NRG1: variants seen among roughly 807,000 people sequenced by gnomAD.
The protein encoded by NRG1 is pro-neuregulin-1, membrane-bound isoform.
A neutral mutation model predicts 63.8 loss-of-function variants in NRG1; 18 were observed. The observed-to-expected ratio is 0.28, with a 90% CI of 0.19 to 0.42. The LOEUF (loss-of-function observed/expected upper bound fraction) is 0.42. NRG1 is among the 10% of genes least tolerant of loss of function. The pLI, the probability that NRG1 is intolerant of heterozygous loss-of-function variation, is 1.00. For missense variants in NRG1, 762 were observed against 814.7 expected (o/e 0.94, Z 0.79); for synonymous variants, 302 against 301.3 (o/e 1.00, Z -0.02).
intron 1 of NRG1, among the ~76,000 whole-genome samples, chr8:31,717,884 G>C (rs2131291377): frequency 6.6e-6 from 1 of 152,230 alleles, no homozygotes; most frequent in Non-Finnish European, 1.5e-5. Context: ...AATCATGGTT[G>C]GGAATTACCA....
At chr8:32,321,386 G>A (rs916717495) in intron 1 of NRG1, among the ~76,000 whole-genome samples, 1 of 151,200 alleles carries the variant, frequency 6.6e-6, no homozygotes, top group Non-Finnish European at 1.5e-5. Flanking sequence ...ACCTCTTTAT[G>A]TTCCTGTATG....
intron 1 of NRG1, among the ~76,000 whole-genome samples, chr8:31,803,064 G>C (rs1340753364): frequency 6.6e-6 from 1 of 152,164 alleles, no homozygotes; most frequent in African/African-American, 2.4e-5. Context: ...GCGTTCATGA[G>C]TGCCATGAAG....
At chr8:32,575,287 A>G (rs1436143648) in intron 1 of NRG1, among the ~76,000 whole-genome samples, 2 of 152,024 alleles carry the variant, frequency 1.3e-5, no homozygotes, top group South Asian at 2.1e-4. Context: ...AGCTCACTTC[A>G]TGTTCAATTG....
At chr8:32,122,384 G>T (rs1181975868) in intron 1 of NRG1, among the ~76,000 whole-genome samples, 1 of 151,924 alleles carries the variant, frequency 6.6e-6, no homozygotes, top group East Asian at 1.9e-4. Flanking sequence ...AGATGGCAGA[G>T]TTAGGATTTC....
chr8:32,445,641 CTCTT>C (rs1268198725), intron 1 of NRG1, among the ~76,000 whole-genome samples: 1 of 152,194 alleles, frequency 6.6e-6, no homozygotes, highest in Non-Finnish European at 1.5e-5. Flanking sequence ...TCTCACTTCT[CTCTT>C]CTCTTTTCTT....
chr8:32,692,069 C>T (rs778663151), intron 5 of NRG1, among the ~76,000 whole-genome samples: 9 of 152,190 alleles, frequency 5.9e-5, no homozygotes, highest in South Asian at 4.1e-4. Flanking sequence ...ATTTCCATAA[C>T]TTAATTAGCC....
At chr8:32,686,933 G>A (rs1459999660) in intron 5 of NRG1, among the ~76,000 whole-genome samples, 3 of 152,184 alleles carry the variant, frequency 2.0e-5, no homozygotes, top group African/African-American at 4.8e-5. Flanking sequence ...TTGAAGTTAG[G>A]AACTGATTTG....
At chr8:31,778,634 A>G (rs1458044064) in intron 1 of NRG1, among the ~76,000 whole-genome samples, 1 of 152,214 alleles carries the variant, frequency 6.6e-6, no homozygotes, top group Non-Finnish European at 1.5e-5. Context: ...AAGAATAGGG[A>G]TAATAATAGT....
At chr8:32,121,084 A>T (rs538283624) in intron 1 of NRG1, among the ~76,000 whole-genome samples, 1 of 152,168 alleles carries the variant, frequency 6.6e-6, no homozygotes, top group South Asian at 2.1e-4. Flanking sequence ...TGCACTGATT[A>T]TGCACACCTT....
chr8:32,154,888 A>T (rs1439428824), intron 1 of NRG1, among the ~76,000 whole-genome samples: 1 of 152,200 alleles, frequency 6.6e-6, no homozygotes. Context: ...GTAGAACCAT[A>T]ATTTCACAGA....
At chr8:32,132,949 G>GTCTTCCCTCCTTCCTTCCTT (rs1835036072) in intron 1 of NRG1, among the ~76,000 whole-genome samples, 1 of 151,966 alleles carries the variant, frequency 6.6e-6, no homozygotes, top group Non-Finnish European at 1.5e-5. Context: ...AAATTGGCCA[G>GTCTTCCCTCCTTCCTTCCTT]TCTTCCTTCC....
intron 1 of NRG1, among the ~76,000 whole-genome samples, chr8:32,501,988 C>G (rs772462515): frequency 1.1e-4 from 17 of 152,052 alleles, no homozygotes; most frequent in Non-Finnish European, 1.9e-4. Context: ...GATTAATAAA[C>G]CAAGAAAACT....
At chr8:32,246,738 A>T (rs1848622006) in intron 1 of NRG1, among the ~76,000 whole-genome samples, 1 of 152,142 alleles carries the variant, frequency 6.6e-6, no homozygotes, top group African/African-American at 2.4e-5. Context: ...CAAAGATAGT[A>T]TGTTCTCACT....
At chr8:32,281,111 C>T (rs865903693) in intron 1 of NRG1, among the ~76,000 whole-genome samples, 6 of 150,102 alleles carry the variant, frequency 4.0e-5, no homozygotes, top group South Asian at 4.2e-4. Flanking sequence ...TTGCATGTTA[C>T]TGGGGTTTGG....
chr8:32,728,478 A>G, intron 6 of NRG1: 1 of 985,250 alleles, frequency 1.0e-6, no homozygotes, highest in Non-Finnish European at 1.2e-6. Context: ...TATCCCAGTG[A>G]TCACCTGCCA....
At chr8:32,771,715 A>AATATATAT (rs1193253997), downstream of NRG1, among the ~76,000 whole-genome samples, 2 of 111,848 alleles carry the variant, frequency 1.8e-5, no homozygotes, top group African/African-American at 6.9e-5. Flanking sequence ...TTAAAAAAAA[A>AATATATAT]ATATATATAT....
intron 5 of NRG1, among the ~76,000 whole-genome samples, chr8:32,643,433 A>G (rs1476208525): frequency 6.6e-6 from 1 of 152,166 alleles, no homozygotes; most frequent in Non-Finnish European, 1.5e-5. Flanking sequence ...TCAAGCCACA[A>G]GGAGAGGCCA....
chr8:32,225,145 C>T (rs1010882845), intron 1 of NRG1, among the ~76,000 whole-genome samples: 2 of 152,142 alleles, frequency 1.3e-5, no homozygotes, highest in Non-Finnish European at 2.9e-5. Context: ...ACATCAACCA[C>T]GAAGTCTTTT....
intron 1 of NRG1, among the ~76,000 whole-genome samples, chr8:31,860,899 T>C (rs866486669): frequency 6.6e-5 from 10 of 152,128 alleles, no homozygotes; most frequent in African/African-American, 2.4e-4. Flanking sequence ...TTAACAACAG[T>C]GTCGAATAGG....
Sources: allele counts gnomAD v4.1 joint callset (sites outside exome capture counted in the v4.1 genomes callset), GRCh38; gene constraint gnomAD v4.1.1; transcripts MANE v1.5; gene names NCBI Gene and HGNC (gene_info 2026-07-23, HGNC 2026-07-21).